The following COL21A1 variants were observed in gnomAD, a reference collection of about 807,000 sequenced individuals.
COL21A1 encodes collagen type XXI alpha 1 chain.
Under a neutral mutation model 137.9 loss-of-function variants are expected in COL21A1, and 149 were observed. The ratio of observed to expected loss-of-function variants is 1.08; its 90% CI spans 0.95 to 1.24. The LOEUF (loss-of-function observed/expected upper bound fraction) is 1.24. Ranked by LOEUF, COL21A1 falls within the 50% of genes most tolerant of loss-of-function variation. COL21A1 has a pLI of 0.00. For synonymous variants in COL21A1, 456 were observed against 391.5 expected, an observed-to-expected ratio of 1.16 and a Z score of -1.95; for missense variants, 1,167 against 1,158.4, an observed-to-expected ratio of 1.01 and a Z score of -0.11.
At chr6:56,170,908 A>G (rs376443167) in intron 4 of COL21A1, 43 bp from the exon 5 acceptor site, 2 of 1,597,074 alleles carry the variant, frequency 1.3e-6, no homozygotes, top group African/African-American at 2.7e-5. Flanking sequence ...AATTCTTGAC[A>G]TGTCCACAGA....
At chr6:56,362,951 C>T (rs900251944) in intron 1 of COL21A1, among the ~76,000 whole-genome samples, 7 of 152,180 alleles carry the variant, frequency 4.6e-5, no homozygotes, top group African/African-American at 1.7e-4. Flanking sequence ...CACAATGATG[C>T]CTTTCTCCCA....
intron 22 of COL21A1, among the ~76,000 whole-genome samples, chr6:56,067,877 C>T (rs1310677176): frequency 6.6e-6 from 1 of 151,554 alleles, no homozygotes; most frequent in Non-Finnish European, 1.5e-5. Flanking sequence ...ATACAATGCC[C>T]TTGTTTTTAT....
chr6:56,302,622 G>C (rs893835408), intron 1 of COL21A1, among the ~76,000 whole-genome samples: 1 of 152,110 alleles, frequency 6.6e-6, no homozygotes, highest in African/African-American at 2.4e-5. Context: ...GTAGATTCTG[G>C]ATATTAGCCC....
intron 9 of COL21A1, among the ~76,000 whole-genome samples, chr6:56,158,383 C>T (rs969666531): frequency 2.2e-4 from 32 of 142,512 alleles, no homozygotes; most frequent in Non-Finnish European, 4.4e-4. Context: ...AGTGATCCTT[C>T]CACCTCAGCC....
intron 1 of COL21A1, among the ~76,000 whole-genome samples, chr6:56,242,379 C>G (rs988453441): frequency 3.9e-5 from 6 of 152,110 alleles, no homozygotes; most frequent in Non-Finnish European, 8.8e-5. Flanking sequence ...AAAGCTCAAA[C>G]TTCGCTAGAA....
intron 16 of COL21A1, among the ~76,000 whole-genome samples, chr6:56,110,021 A>G (rs1771280403): frequency 1.3e-5 from 2 of 152,032 alleles, no homozygotes; most frequent in Non-Finnish European, 2.9e-5. Context: ...CTGGACAAAA[A>G]TATCACGAAA....
At chr6:56,287,109 C>A (rs1763931389) in intron 1 of COL21A1, among the ~76,000 whole-genome samples, 1 of 152,118 alleles carries the variant, frequency 6.6e-6, no homozygotes, top group South Asian at 2.1e-4. Context: ...AATGATCAAT[C>A]CTCTCATTGA....
chr6:56,229,951 A>T (rs1258678725), intron 1 of COL21A1, among the ~76,000 whole-genome samples: 1 of 151,920 alleles, frequency 6.6e-6, no homozygotes, highest in East Asian at 1.9e-4. Flanking sequence ...ATCACGATCC[A>T]TTGGTTGATC....
intron 5 of COL21A1, among the ~76,000 whole-genome samples, chr6:56,169,280 C>T (rs1051302126): frequency 1.8e-4 from 27 of 152,088 alleles, no homozygotes; most frequent in African/African-American, 5.5e-4. Context: ...TAATCTCTCT[C>T]CCTACAGTTC....
chr6:56,097,095 C>T (rs1228806833), intron 17 of COL21A1, among the ~76,000 whole-genome samples: 4 of 152,042 alleles, frequency 2.6e-5, no homozygotes, highest in Admixed American at 6.6e-5. Context: ...CAGACATCAG[C>T]AAATTTGAGA....
At chr6:56,241,716 T>C (rs944883066) in intron 1 of COL21A1, among the ~76,000 whole-genome samples, 1 of 152,174 alleles carries the variant, frequency 6.6e-6, no homozygotes, top group Non-Finnish European at 1.5e-5. Flanking sequence ...TCAAACCACA[T>C]TGAACACTTT....
chr6:56,122,209 A>G (rs1772609200), intron 16 of COL21A1, among the ~76,000 whole-genome samples: 1 of 146,718 alleles, frequency 6.8e-6, no homozygotes. Flanking sequence ...AATCTGCACA[A>G]ATCTGCAGAG....
chr6:56,387,467 G>C (rs1031577884), intron 1 of COL21A1, among the ~76,000 whole-genome samples: 1 of 152,148 alleles, frequency 6.6e-6, no homozygotes, highest in African/African-American at 2.4e-5. Flanking sequence ...AAAAAATCAG[G>C]TAAGCAATCA....
intron 1 of COL21A1, among the ~76,000 whole-genome samples, chr6:56,240,863 A>G (rs1782265095): frequency 6.6e-6 from 1 of 152,208 alleles, no homozygotes; most frequent in Non-Finnish European, 1.5e-5. Flanking sequence ...AGTAGTGTAG[A>G]AATGACACAT....
Position 56,235,477 on chromosome 6 carries a change from C to T in COL21A1, c.-39+11910G>A, listed in dbSNP as rs139293272. On this transcript the variant is annotated intron_variant, in intron 1 of 29. Transcript: ENST00000244728. Reference sequence around the variant, plus strand: ...TATAAAAGGAATGAGTCACTGAACACTCTGCAGTGCTTGCTAAGTGTCAAA... The same window carrying T: ...TATAAAAGGAATGAGTCACTGAACATTCTGCAGTGCTTGCTAAGTGTCAAA... Among the ~76,000 whole-genome samples the T allele has an allele frequency of 1.5e-3, 234 of 152,078 alleles. 2 individuals are homozygous for T. The East Asian group carries it at 0.035, about 23-fold the overall frequency.
At chr6:56,145,199 T>C (rs1226494905) in intron 10 of COL21A1, among the ~76,000 whole-genome samples, 1 of 152,202 alleles carries the variant, frequency 6.6e-6, no homozygotes, top group East Asian at 1.9e-4. Flanking sequence ...ATGGCCTCAG[T>C]GTATTTTGTA....
chr6:56,127,312 C>T (rs563589151), intron 12 of COL21A1, among the ~76,000 whole-genome samples: 1 of 152,248 alleles, frequency 6.6e-6, no homozygotes, highest in East Asian at 1.9e-4. Flanking sequence ...TTTATCTTTC[C>T]TGGAGTCAAA....
At chr6:56,236,469 C>T (rs1434818700) in intron 1 of COL21A1, among the ~76,000 whole-genome samples, 4 of 151,958 alleles carry the variant, frequency 2.6e-5, no homozygotes, top group African/African-American at 9.7e-5. Flanking sequence ...AAACAATACT[C>T]ATATCACGAA....
At chr6:56,318,409 C>T (rs1016661572) in intron 1 of COL21A1, among the ~76,000 whole-genome samples, 1 of 152,050 alleles carries the variant, frequency 6.6e-6, no homozygotes, top group South Asian at 2.1e-4. Context: ...TGCACTCACT[C>T]CCCCATTCCC....
Sources: allele counts gnomAD v4.1 joint callset (sites outside exome capture counted in the v4.1 genomes callset), GRCh38; gene constraint gnomAD v4.1.1; transcripts MANE v1.5; gene names NCBI Gene and HGNC (gene_info 2026-07-23, HGNC 2026-07-21).